The following TGFBR1 variants were observed in gnomAD, a reference collection of about 807,000 sequenced individuals.
TGFBR1 encodes TGF-beta receptor type-1.
A neutral mutation model predicts 55.1 loss-of-function variants in TGFBR1; 20 were observed. That is an observed-to-expected ratio of 0.36 (90% confidence interval 0.26 to 0.53). The LOEUF (loss-of-function observed/expected upper bound fraction) is 0.53. TGFBR1 is among the 20% of genes least tolerant of loss of function. The pLI is 0.91. For missense variants in TGFBR1, 385 were observed against 617.6 expected, an observed-to-expected ratio of 0.62 and a Z score of 3.99; for synonymous variants, 220 against 214.8, an observed-to-expected ratio of 1.02 and a Z score of -0.21.
intron 1 of TGFBR1, among the ~76,000 whole-genome samples, chr9:99,126,715 T>G (rs1347463917): frequency 1.3e-5 from 2 of 152,162 alleles, no homozygotes; most frequent in East Asian, 3.9e-4. Flanking sequence ...GGTTCAGAAT[T>G]CCTCCTTAGG....
chr9:99,115,936 A>G (rs534644979), intron 1 of TGFBR1, among the ~76,000 whole-genome samples: 25 of 152,352 alleles, frequency 1.6e-4, no homozygotes, highest in African/African-American at 5.5e-4. Context: ...CAGTGAGGAA[A>G]GACAATTTCT....
At chr9:99,122,757 T>A (rs1381158723) in intron 1 of TGFBR1, among the ~76,000 whole-genome samples, 3 of 152,170 alleles carry the variant, frequency 2.0e-5, no homozygotes, top group African/African-American at 4.8e-5. Flanking sequence ...GCTTTTCCTT[T>A]TAGTGCTGAA....
In TGFBR1 at chr9:99,128,953, A is replaced by G. The variant is rs1270609574; in HGVS notation, c.196A>G (p.Ile66Val). 6.2e-7 allele frequency: 1 copy of G among 1,614,016 alleles called. No homozygotes were observed. Among genetic ancestry groups the G allele is most frequent in the East Asian group, 2.2e-5 (1 of 44,868 alleles). The change falls in exon 2 of 9, where the codon ATA (isoleucine) becomes GTA (valine). Residue 66 changes from isoleucine to valine, a missense_variant. By Grantham distance (29) the Ile-to-Val change is conservative. Around this residue, in one of 5 missense-constraint regions of TGFBR1, gnomAD observed 146 missense variants for 167.7 expected, o/e 0.87. Coordinates refer to ENST00000374994, the MANE Select transcript of TGFBR1 (RefSeq NM_004612.4). ...VSVTETTDKV[I>V]HNSMCIAEID... is the part of the protein sequence containing the mutation. ...TGTCACAGAGACCACAGACAAAGTTATACACAACAGCATGTGTATAGCTGA... is the reference window on the plus strand; with the variant it reads ...TGTCACAGAGACCACAGACAAAGTTGTACACAACAGCATGTGTATAGCTGA...
intron 5 of TGFBR1, among the ~76,000 whole-genome samples, chr9:99,143,396 G>T (rs1056198782): frequency 1.3e-5 from 2 of 152,190 alleles, no homozygotes; most frequent in East Asian, 3.8e-4. Flanking sequence ...AATTATATTT[G>T]ACCTTGAGAT....
At chr9:99,104,367 G>C (rs1826338099), upstream of TGFBR1, among the ~76,000 whole-genome samples, 2 of 152,130 alleles carry the variant, frequency 1.3e-5, no homozygotes, top group African/African-American at 4.8e-5. Flanking sequence ...TCCCCATCCT[G>C]GATCTGTGCT....
At chr9:99,120,359 T>A (rs998304017) in intron 1 of TGFBR1, among the ~76,000 whole-genome samples, 1 of 152,200 alleles carries the variant, frequency 6.6e-6, no homozygotes, top group African/African-American at 2.4e-5. Context: ...GGTTATTGTT[T>A]TAGCACTCAC....
At chr9:99,124,943 A>G (rs1048615813) in intron 1 of TGFBR1, among the ~76,000 whole-genome samples, 3 of 152,230 alleles carry the variant, frequency 2.0e-5, no homozygotes, top group Non-Finnish European at 2.9e-5. Context: ...GAAACTAGAT[A>G]TAAAACCCTT....
rs967651017 is a variant in TGFBR1, at chr9:99,151,659, T to C, written c.*2354T>C. The C allele has an allele frequency of 8.8e-6, 2 of 228,250 alleles. No homozygotes were observed. Among genetic ancestry groups the C allele is most frequent in the Non-Finnish European group, 1.7e-5 (2 of 114,786 alleles). 14.1% of individuals were successfully genotyped at this position (228,250 alleles called of 1,614,324 possible). On this transcript the variant is annotated 3_prime_UTR_variant, in exon 9 of 9. Coordinates refer to ENST00000374994, the MANE Select transcript of TGFBR1 (RefSeq NM_004612.4). ...TCTTACCTAAGTGGATAAAATGTAC[T>C]TTTGATGAATCAGGGAATTTTTTTA...
At position 99,137,900 on chromosome 9, in the gene TGFBR1, G is replaced by T. The variant is rs2118709865; in HGVS notation, c.616G>T (p.Val206Leu). Reference protein sequence around the residue: ...LVQRTIARTIVLQESIGKGRF... With the variant: ...LVQRTIARTILLQESIGKGRF... Reference sequence around the variant, plus strand: ...TCAGAGAACAATTGCGAGAACTATTGTGTTACAAGAAAGCATTGGCAAAGG... The same window carrying T: ...TCAGAGAACAATTGCGAGAACTATTTTGTTACAAGAAAGCATTGGCAAAGG... Residue 206 changes from valine to leucine, a missense_variant, in exon 4 of 9, where the codon GTG becomes TTG. Val to Leu is a conservative substitution (Grantham distance 32). Transcript: ENST00000374994. 1 of 1,613,998 alleles carries T rather than the reference G, an allele frequency of 6.2e-7. No individual in the cohort carries two copies. Among genetic ancestry groups the T allele is most frequent in the Middle Eastern group, 1.7e-4 (1 of 6,058 alleles).
intron 1 of TGFBR1, among the ~76,000 whole-genome samples, chr9:99,120,588 C>T (rs919629058): frequency 2.6e-5 from 4 of 152,124 alleles, no homozygotes; most frequent in Non-Finnish European, 2.9e-5. Flanking sequence ...TCTAAAATAC[C>T]AGTTTTAATG....
intron 1 of TGFBR1, chr9:99,128,578 A>G (rs555967061): frequency 1.1e-5 from 6 of 524,386 alleles, no homozygotes; most frequent in South Asian, 5.2e-5. Context: ...GAAATTGAAC[A>G]TAACAAAATT....
rs76392135 is a variant in TGFBR1, at chr9:99,152,008, G to A, written c.*2703G>A. Reference sequence around the variant, plus strand: ...GGAGAAATGGGGATGGGGGAAATACGACTTAGTGAGGCATAGACATCCCTG... The same window carrying A: ...GGAGAAATGGGGATGGGGGAAATACAACTTAGTGAGGCATAGACATCCCTG... On this transcript the variant is annotated 3_prime_UTR_variant, in exon 9 of 9. Transcript: ENST00000374994. 2,096 of 197,716 alleles carry A rather than the reference G, an allele frequency of 0.011. 50 individuals carry two copies. The highest frequency in any genetic ancestry group is 0.045 in the African/African-American group (1,968 of 43,456). The allele number at this position is 197,716 out of a possible 1,614,324, so 12.2% of individuals were successfully genotyped here. A position where few individuals can be genotyped will look rare whatever the true frequency, so the allele number is the denominator to read the frequency against.
At chr9:99,123,725 A>G (rs1219904053) in intron 1 of TGFBR1, among the ~76,000 whole-genome samples, 1 of 152,292 alleles carries the variant, frequency 6.6e-6, no homozygotes, top group Non-Finnish European at 1.5e-5. Context: ...TGCCTAGATG[A>G]TATTCAAAGT....
intron 3 of TGFBR1, among the ~76,000 whole-genome samples, chr9:99,133,168 A>C (rs1206454555): frequency 6.6e-6 from 1 of 152,350 alleles, no homozygotes; most frequent in East Asian, 1.9e-4. Context: ...GGCATGACAG[A>C]AATGTATTCA....
In TGFBR1 at chr9:99,151,106, A is replaced by G. The variant is rs1315065578; in HGVS notation, c.*1801A>G. ...TGATAATGTCTTATCTCTTATACGT[A>G]GAATAAATTTGAAAGACTATTTGAT... On this transcript the variant is annotated 3_prime_UTR_variant, in exon 9 of 9. Transcript: ENST00000374994. The G allele has an allele frequency of 8.7e-6, 2 of 228,598 alleles. No individual in the cohort carries two copies. Among genetic ancestry groups the G allele is most frequent in the Non-Finnish European group, 1.7e-5 (2 of 115,102 alleles). The allele number at this position is 228,598 out of a possible 1,614,324, so 14.2% of individuals were successfully genotyped here. A position where few individuals can be genotyped will look rare whatever the true frequency, so the allele number is the denominator to read the frequency against.
chr9:99,106,843 T>C (rs1481214776), intron 1 of TGFBR1, among the ~76,000 whole-genome samples: 1 of 152,236 alleles, frequency 6.6e-6, no homozygotes, highest in Admixed American at 6.5e-5. Context: ...TCATTCCGAC[T>C]CTTAGCACAT....
At chr9:99,117,570 G>A (rs1031495786) in intron 1 of TGFBR1, among the ~76,000 whole-genome samples, 3 of 152,004 alleles carry the variant, frequency 2.0e-5, no homozygotes, top group Admixed American at 6.5e-5. Context: ...TTTAAAATAC[G>A]GATATCTGGT....
intron 1 of TGFBR1, among the ~76,000 whole-genome samples, chr9:99,121,523 CT>C (rs1826899299): frequency 6.6e-6 from 1 of 152,106 alleles, no homozygotes; most frequent in African/African-American, 2.4e-5. Flanking sequence ...AGGCAGATTA[CT>C]CAGAAGAACT....
chr9:99,125,651 A>G (rs949710930), intron 1 of TGFBR1, among the ~76,000 whole-genome samples: 5 of 152,292 alleles, frequency 3.3e-5, no homozygotes, highest in African/African-American at 1.2e-4. Context: ...GTAGTGTGCC[A>G]CAAGGACATT....
Sources: gnomAD v4.1 joint callset for allele counts (sites outside exome capture counted in the v4.1 genomes callset) on GRCh38, gnomAD v4.1.1 for gene constraint, gnomAD v4.1.1 regional missense constraint, MANE v1.5 for transcripts, NCBI Gene and HGNC (gene_info 2026-07-23, HGNC 2026-07-21) for gene names.